ZNF600: variants seen among roughly 807,000 people sequenced by gnomAD.
ZNF600 encodes zinc finger protein KR-ZNF1.
ZNF600 carries 4 observed loss-of-function variants against 7.3 expected under a neutral mutation model. That is an observed-to-expected ratio of 0.55 (90% CI 0.27 to 1.25). The LOEUF (loss-of-function observed/expected upper bound fraction) is 1.25, where lower values mean the gene tolerates loss of function less well. Ranked by LOEUF, ZNF600 falls within the 50% of genes most tolerant of loss-of-function variation. The pLI, the probability that ZNF600 is intolerant of heterozygous loss-of-function variation, is 0.12. For missense variants in ZNF600, 911 were observed against 922.1 expected (o/e 0.99, Z 0.16); for synonymous variants, 290 against 308.9 (o/e 0.94, Z 0.64).
At chr19:52,812,103 C>T in the ZNF600 span, among the ~76,000 whole-genome samples, 8 of 106,882 alleles carry the variant, frequency 7.5e-5, 1 homozygote, top group Non-Finnish European at 1.4e-4. Context: ...AAGTGAGGAG[C>T]CCCTCTGCCT....
chr19:52,806,255 G>A, the ZNF600 span, among the ~76,000 whole-genome samples: 1 of 151,946 alleles, frequency 6.6e-6, no homozygotes, highest in Non-Finnish European at 1.5e-5. Context: ...GTGCAACGGT[G>A]CGATCTCGGC....
At chr19:52,768,659 C>G (rs1404827172) in intron 3 of ZNF600, among the ~76,000 whole-genome samples, 2 of 152,036 alleles carry the variant, frequency 1.3e-5, no homozygotes, top group African/African-American at 4.8e-5. Context: ...GATCCTCCTG[C>G]CTCATCCTCC....
chr19:52,811,505 G>A, the ZNF600 span, among the ~76,000 whole-genome samples: 3 of 148,306 alleles, frequency 2.0e-5, no homozygotes, highest in Admixed American at 6.7e-5. Context: ...CTGCCCGGCC[G>A]CCCATCGTCT....
the ZNF600 span, chr19:52,807,993 G>C: frequency 6.2e-7 from 1 of 1,612,922 alleles, no homozygotes; most frequent in Non-Finnish European, 8.5e-7. Context: ...ACATCCCCAG[G>C]AGGTTATCCT....
chr19:52,813,803 GT>G, the ZNF600 span, among the ~76,000 whole-genome samples: 1 of 146,568 alleles, frequency 6.8e-6, no homozygotes, highest in Admixed American at 6.8e-5. Context: ...GCACTACCTT[GT>G]TTTGGGGGGT....
the ZNF600 span, among the ~76,000 whole-genome samples, chr19:52,791,995 GGT>G: frequency 1.3e-5 from 2 of 152,252 alleles, no homozygotes; most frequent in Non-Finnish European, 2.9e-5. Flanking sequence ...CGCCACTGCA[GGT>G]ATTACTGAGG....
At chr19:52,795,128 C>T in the ZNF600 span, among the ~76,000 whole-genome samples, 29 of 152,210 alleles carry the variant, frequency 1.9e-4, no homozygotes, top group Middle Eastern at 3.4e-3. Flanking sequence ...GTCAATCCAG[C>T]CCATCCTTCA....
the ZNF600 span, chr19:52,810,651 C>T: frequency 8.3e-7 from 1 of 1,210,808 alleles, no homozygotes; most frequent in Non-Finnish European, 1.2e-6. Context: ...ACAGCAGGCT[C>T]TGGGGTCGCG....
At chr19:52,804,400 T>G in the ZNF600 span, among the ~76,000 whole-genome samples, 1 of 152,178 alleles carries the variant, frequency 6.6e-6, no homozygotes, top group African/African-American at 2.4e-5. Flanking sequence ...CAGCCCAGTC[T>G]TACTCTGTCT....
intron 3 of ZNF600, among the ~76,000 whole-genome samples, chr19:52,772,688 T>C (rs1384269390): frequency 1.1e-4 from 16 of 152,130 alleles, no homozygotes; most frequent in African/African-American, 3.9e-4. Context: ...GCCCGCGGTG[T>C]TCATGGACAT....
At chr19:52,767,477 T>C (rs766549999) in exon 4 of ZNF600, 2 of 1,614,172 alleles carry the variant, frequency 1.2e-6, no homozygotes, top group Non-Finnish European at 8.5e-7. Context: ...CAGGCAGATG[T>C]GAATAAAAGC....
At chr19:52,830,618 T>C in the ZNF600 span, among the ~76,000 whole-genome samples, 60,844 of 151,732 alleles carry the variant, frequency 0.4, 14,610 homozygotes, top group Non-Finnish European at 0.55. Flanking sequence ...TGAGTCATGA[T>C]GCCCTGCACA....
At chr19:52,778,745 T>A (rs527265088) in intron 2 of ZNF600, 81 bp downstream of exon 4, 1 of 1,516,608 alleles carries the variant, frequency 6.6e-7, no homozygotes. Context: ...TTCTTCAAAC[T>A]CAGAAAAGAC....
the ZNF600 span, chr19:52,800,958 T>C: frequency 3.1e-6 from 5 of 1,614,070 alleles, no homozygotes; most frequent in Non-Finnish European, 4.2e-6. Flanking sequence ...ATAAGGTTTG[T>C]CTGCAGTATG....
At chr19:52,796,021 A>C in the ZNF600 span, among the ~76,000 whole-genome samples, 1 of 152,138 alleles carries the variant, frequency 6.6e-6, no homozygotes, top group East Asian at 1.9e-4. Flanking sequence ...CTAGGAACAC[A>C]AAAATTTGCC....
the ZNF600 span, among the ~76,000 whole-genome samples, chr19:52,821,344 A>C: frequency 2.0e-4 from 31 of 152,052 alleles, no homozygotes; most frequent in African/African-American, 7.5e-4. Context: ...GAGCAGGAAA[A>C]CTACGAGATA....
intron 3 of ZNF600, among the ~76,000 whole-genome samples, chr19:52,768,736 T>C (rs2062608874): frequency 6.6e-6 from 1 of 151,968 alleles, no homozygotes; most frequent in African/African-American, 2.4e-5. Flanking sequence ...AGTAGAGATG[T>C]GTGGGCAGCA....
intron 2 of ZNF600, among the ~76,000 whole-genome samples, chr19:52,775,964 C>G (rs1268745153): frequency 4.0e-5 from 6 of 151,880 alleles, no homozygotes. Context: ...CAATATCATG[C>G]CACTGTACTT....
chr19:52,774,233 G>C (rs1163428562), intron 3 of ZNF600, among the ~76,000 whole-genome samples: 1 of 151,502 alleles, frequency 6.6e-6, no homozygotes, highest in African/African-American at 2.4e-5. Flanking sequence ...AGTGAGAGAC[G>C]AGTCTGACCA....
Sources: gnomAD v4.1 joint callset for allele counts (sites outside exome capture counted in the v4.1 genomes callset) on GRCh38, gnomAD v4.1.1 for gene constraint, MANE v1.5 for transcripts, NCBI Gene and HGNC (gene_info 2026-07-23, HGNC 2026-07-21) for gene names.